ROS1: variants seen among roughly 807,000 people sequenced by gnomAD.
ROS1 encodes ROS proto-oncogene 1, receptor tyrosine kinase.
ROS1 carries 263 observed loss-of-function variants against 273.5 expected under a neutral mutation model. That is an observed-to-expected ratio of 0.96 (90% CI 0.87 to 1.06). The LOEUF (loss-of-function observed/expected upper bound fraction) is 1.06. ROS1 is among the 50% of genes least tolerant of loss of function. The probability of loss-of-function intolerance (pLI) is 0.00; values close to 1 mark genes in which losing one functional copy is unlikely to be tolerated. For synonymous variants in ROS1, 1,008 were observed against 954.1 expected, an observed-to-expected ratio of 1.06 and a Z score of -1.04; for missense variants, 2,833 against 2,751.1, an observed-to-expected ratio of 1.03 and a Z score of -0.67.
chr6:117,393,123 T>C (rs918838921), intron 12 of ROS1, 101 bp downstream of exon 12: 7 of 766,910 alleles, frequency 9.1e-6, no homozygotes, highest in Admixed American at 2.1e-5. Context: ...GATGCATAGA[T>C]AGGCTCATCT....
chr6:117,402,616 G>A (rs1324132185), intron 7 of ROS1, among the ~76,000 whole-genome samples: 1 of 152,200 alleles, frequency 6.6e-6, no homozygotes, highest in African/African-American at 2.4e-5. Context: ...AGCTGGGCGA[G>A]GTGGCTCACG....
At chr6:117,324,523 T>A in intron 34 of ROS1, 108 bp from the exon 35 acceptor site, 2 of 585,248 alleles carry the variant, frequency 3.4e-6, no homozygotes, top group South Asian at 4.7e-5. Context: ...ACTACTGGAT[T>A]TTTGCAAGCC....
At position 117,288,564 on chromosome 6, in the gene ROS1, G is replaced by T; in HGVS notation, c.6954C>A (p.Cys2318Ter). ...DFCQEKQVAY[C>*]PSGKPEGLNY... Reference sequence around the variant, plus strand: ...TCAGGCCTTCAGGCTTGCCAGAAGGGCAGTAAGCCACTTGTTTTTCTTGGC... The same window carrying T: ...TCAGGCCTTCAGGCTTGCCAGAAGGTCAGTAAGCCACTTGTTTTTCTTGGC... Residue 2318 changes from cysteine (C) to a stop codon, truncating the protein, a stop_gained, in exon 44 of 44, where the codon TGC becomes TGA. Transcript: ENST00000368507. LOFTEE classifies it high-confidence loss of function. 2 of 1,614,108 alleles carry T rather than the reference G, an allele frequency of 1.2e-6. No individual in the cohort carries two copies. Among genetic ancestry groups the T allele is most frequent in the Non-Finnish European group, 1.7e-6 (2 of 1,180,004 alleles).
chr6:117,380,176 A>G (rs1262253349), intron 17 of ROS1, among the ~76,000 whole-genome samples: 2 of 152,140 alleles, frequency 1.3e-5, no homozygotes, highest in Non-Finnish European at 2.9e-5. Context: ...AGGTATAACC[A>G]ATAGAATTAA....
At position 117,390,299 on chromosome 6, in the gene ROS1, G is replaced by C. The variant is rs548244517; in HGVS notation, c.1290-453C>G. On this transcript the variant is annotated intron_variant, in intron 12 of 43. Transcript: ENST00000368507. ...TTGCCACCGTGCTCGGCTAATTTTT[G>C]TATTTTTTGTGGAGACAGGGTATCA... Among the ~76,000 whole-genome samples the C allele has an allele frequency of 2.0e-5, 3 of 152,126 alleles. No homozygotes were observed. In the South Asian group the frequency reaches 6.2e-4, roughly 32 times the overall value.
At chr6:117,291,152 T>C (rs1044932243) in intron 43 of ROS1, among the ~76,000 whole-genome samples, 1 of 152,162 alleles carries the variant, frequency 6.6e-6, no homozygotes, top group African/African-American at 2.4e-5. Flanking sequence ...TTTCATTCCT[T>C]ATCTTCAGGA....
At chr6:117,385,565 AT>A (rs1772499011) in intron 16 of ROS1, 117 bp downstream of exon 16, 13 of 873,626 alleles carry the variant, frequency 1.5e-5, no homozygotes, top group Non-Finnish European at 2.1e-5. Context: ...TAAACATTAA[AT>A]AAATAATAGC....
At position 117,389,408 on chromosome 6, in the gene ROS1, C is replaced by T. The variant is rs1018365878; in HGVS notation, c.1728G>A (p.Leu576=). The T allele has an allele frequency of 1.9e-6, 3 of 1,614,164 alleles. No individual in the cohort carries two copies. The highest frequency in any genetic ancestry group is 2.2e-5 in the East Asian group (1 of 44,870). The change falls in exon 13 of 44, where the codon CTG becomes CTA. Residue 576 remains leucine, a synonymous_variant. Transcript: ENST00000368507. ...LPGRPQELSV[L]FGSHQALVQW... The stretch of plus-strand genomic sequence containing the variant: ...GAACAAGAGCCTGGTGAGAGCCAAA[C>T]AGCACCGAAAGCTCCTGCGGGCGGC...
chr6:117,366,559 G>A (rs1326549157), intron 18 of ROS1, among the ~76,000 whole-genome samples: 5 of 152,066 alleles, frequency 3.3e-5, no homozygotes, highest in Non-Finnish European at 7.4e-5. Context: ...TGTTGCCCAA[G>A]CTGGAGTGCA....
Position 117,385,784 on chromosome 6 carries a change from C to T in ROS1, c.2188G>A (p.Asp730Asn), listed in dbSNP as rs1270271107. ...GGTAGGTGATAATTCTCTGAGATAT[C>T]CGTCCCATTCAGCAGCCACACAAAA... ...DVFVWLLNGT[D>N]ISENYHLPSI... The change falls in exon 16 of 44, where the codon GAT becomes AAT. Residue 730 changes from aspartate (D) to asparagine (N), a missense_variant. Transcript: ENST00000368507. The T allele has an allele frequency of 6.2e-7, 1 of 1,614,152 alleles. No homozygotes were observed. Among genetic ancestry groups the T allele is most frequent in the Admixed American group, 1.7e-5 (1 of 60,020 alleles).
chr6:117,352,536 A>G (rs1442614148), intron 27 of ROS1, among the ~76,000 whole-genome samples: 1 of 152,194 alleles, frequency 6.6e-6, no homozygotes, highest in Admixed American at 6.5e-5. Context: ...GGTACTACAT[A>G]TTATAATAGT....
At chr6:117,372,964 T>G (rs1034834369) in intron 18 of ROS1, among the ~76,000 whole-genome samples, 2 of 152,204 alleles carry the variant, frequency 1.3e-5, no homozygotes, top group Non-Finnish European at 2.9e-5. Flanking sequence ...AGAGAGCTGA[T>G]TGGTCCGTTT....
At chr6:117,420,494 TG>T (rs1486909246) in intron 1 of ROS1, among the ~76,000 whole-genome samples, 1 of 150,854 alleles carries the variant, frequency 6.6e-6, no homozygotes, top group Non-Finnish European at 1.5e-5. Context: ...GACGAGTTAA[TG>T]GGTGCAGCAC....
rs759040811 is a variant in ROS1, at chr6:117,342,551, T to C, written c.4507-7A>G. 5 of 1,460,134 alleles carry C rather than the reference T, an allele frequency of 3.4e-6. No individual in the cohort carries two copies. The African/African-American group carries it at 4.4e-5, about 13-fold the overall frequency. 90.4% of individuals were successfully genotyped at this position (1,460,134 alleles called of 1,614,324 possible). A position where few individuals can be genotyped will look rare whatever the true frequency, so the allele number is the denominator to read the frequency against. On this transcript the variant is annotated splice_polypyrimidine_tract_variant and splice_region_variant and intron_variant, in intron 28 of 43. Transcript: ENST00000368507. ...CTATACTGTCCTGAAATTCCTGTAA[T>C]TGATTTTTTAAAAATCAACATCTTA...
At chr6:117,298,799 G>C (rs1582543839) in intron 43 of ROS1, among the ~76,000 whole-genome samples, 1 of 152,164 alleles carries the variant, frequency 6.6e-6, no homozygotes. Flanking sequence ...CAGACAAATG[G>C]AAGACATTAA....
At chr6:117,377,780 C>A (rs370375231) in intron 18 of ROS1, among the ~76,000 whole-genome samples, 1 of 151,786 alleles carries the variant, frequency 6.6e-6, no homozygotes, top group East Asian at 1.9e-4. Flanking sequence ...AACACTGAGA[C>A]AAAATATTCA....
Position 117,386,947 on chromosome 6 carries a change from T to C in ROS1, c.2052A>G (p.Lys684=). 1 of 1,613,224 alleles carries C rather than the reference T, an allele frequency of 6.2e-7. No homozygotes were observed. Among genetic ancestry groups the C allele is most frequent in the Non-Finnish European group, 8.5e-7 (1 of 1,179,368 alleles). ...CTCCTGGGCCAAAGCTATTTAATGG[T>C]TTACTCCAAAGCCCATCTTCTTTCA... ...MAVKEDGLWS[K]PLNSFGPGEF... Residue 684 remains lysine, a synonymous_variant, in exon 15 of 44, where the codon AAA becomes AAG. Coordinates refer to ENST00000368507, the MANE Select transcript of ROS1 (RefSeq NM_001378902.1).
chr6:117,346,252 A>C (rs1187622248), intron 27 of ROS1, among the ~76,000 whole-genome samples: 2 of 151,980 alleles, frequency 1.3e-5, no homozygotes, highest in Admixed American at 6.6e-5. Context: ...TTTTTCCCTT[A>C]CATTTTTTTT....
chr6:117,371,279 T>C (rs954002074), intron 18 of ROS1, among the ~76,000 whole-genome samples: 1 of 151,886 alleles, frequency 6.6e-6, no homozygotes, highest in Admixed American at 6.6e-5. Flanking sequence ...ATATGGGGAG[T>C]GTCCACCCCC....
Sources: allele counts gnomAD v4.1 joint callset (sites outside exome capture counted in the v4.1 genomes callset), GRCh38; gene constraint gnomAD v4.1.1; transcripts MANE v1.5; gene names NCBI Gene and HGNC (gene_info 2026-07-23, HGNC 2026-07-21).